Variants in CLCN3 observed in about 807,000 individuals in gnomAD.
CLCN3 encodes Cl-/H+ antiporter 3.
Under a neutral mutation model 83.4 loss-of-function variants are expected in CLCN3, and 16 were observed. That is an observed-to-expected ratio of 0.19 (90% CI 0.13 to 0.29). CLCN3 has a LOEUF of 0.29. CLCN3 is among the 10% of genes least tolerant of loss of function. CLCN3 has a pLI of 1.00. For synonymous variants in CLCN3, 322 were observed against 346.2 expected, an observed-to-expected ratio of 0.93 and a Z score of 0.78; for missense variants, 544 against 1,006.0, an observed-to-expected ratio of 0.54 and a Z score of 6.21.
intron 1 of CLCN3, among the ~76,000 whole-genome samples, chr4:169,633,735 G>T (rs1367620054): frequency 1.3e-5 from 2 of 152,122 alleles, no homozygotes; most frequent in African/African-American, 4.8e-5. Flanking sequence ...TTAACCCAAT[G>T]GATCTAAAAT....
intron 2 of CLCN3, among the ~76,000 whole-genome samples, chr4:169,674,390 T>C (rs900699773): frequency 1.5e-4 from 23 of 152,332 alleles, no homozygotes; most frequent in African/African-American, 5.5e-4. Flanking sequence ...TTTAATATTA[T>C]ATGGAAAGCA....
intron 12 of CLCN3, 75 bp from the exon 13 acceptor site, chr4:169,719,832 G>C: frequency 8.2e-7 from 1 of 1,220,820 alleles, no homozygotes; most frequent in Non-Finnish European, 1.1e-6. Context: ...CAACAAAAAG[G>C]ATTTAGCTAT....
intron 5 of CLCN3, among the ~76,000 whole-genome samples, chr4:169,690,137 C>CTTTTTTTTT (rs397769904): frequency 2.6e-4 from 29 of 110,436 alleles, no homozygotes; most frequent in African/African-American, 3.2e-4. Flanking sequence ...TCTTTTCTTT[C>CTTTTTTTTT]TTTTTTTTTT....
At chr4:169,665,065 A>C in intron 2 of CLCN3, among the ~76,000 whole-genome samples, 2 of 152,388 alleles carry the variant, frequency 1.3e-5, no homozygotes, top group Non-Finnish European at 2.9e-5. Flanking sequence ...TTATAAATTT[A>C]TGAAATATGA....
intron 11 of CLCN3, among the ~76,000 whole-genome samples, chr4:169,710,649 T>G (rs1422465588): frequency 6.6e-6 from 1 of 152,214 alleles, no homozygotes; most frequent in Non-Finnish European, 1.5e-5. Context: ...AGAGAAACAT[T>G]CCATTAAATA....
At chr4:169,657,245 CATTTCCCCA>C (rs2150216654) in intron 2 of CLCN3, among the ~76,000 whole-genome samples, 1 of 152,102 alleles carries the variant, frequency 6.6e-6, no homozygotes, top group Admixed American at 6.5e-5. Flanking sequence ...TTGTGTTTCC[CATTTCCCCA>C]ATTGTTTCTT....
intron 2 of CLCN3, among the ~76,000 whole-genome samples, chr4:169,654,106 G>A (rs1021276266): frequency 1.3e-5 from 2 of 152,062 alleles, no homozygotes; most frequent in Non-Finnish European, 2.9e-5. Flanking sequence ...ATTATATATA[G>A]GAGGGCCTAT....
At chr4:169,622,472 G>A (rs1773133365) in intron 1 of CLCN3, among the ~76,000 whole-genome samples, 2 of 152,110 alleles carry the variant, frequency 1.3e-5, no homozygotes, top group Non-Finnish European at 2.9e-5. Context: ...GTGGGGTTTG[G>A]CCACTATCGC....
At chr4:169,654,703 G>A (rs953958130) in intron 2 of CLCN3, among the ~76,000 whole-genome samples, 1 of 151,966 alleles carries the variant, frequency 6.6e-6, no homozygotes, top group South Asian at 2.1e-4. Flanking sequence ...ATTGCATCGC[G>A]GTCCGGGAAT....
At chr4:169,702,820 C>T (rs1251347804) in intron 9 of CLCN3, 2 of 291,138 alleles carry the variant, frequency 6.9e-6, no homozygotes, top group Admixed American at 3.7e-5. Context: ...TGGTGGTGCA[C>T]GCCTGTAGTC....
chr4:169,630,132 T>G (rs993627921), intron 1 of CLCN3, among the ~76,000 whole-genome samples: 1 of 152,322 alleles, frequency 6.6e-6, no homozygotes, highest in Non-Finnish European at 1.5e-5. Flanking sequence ...AGTTAATTCT[T>G]TTTTATTTTT....
rs1383963458 is a variant in CLCN3 at position 169,644,285 on chromosome 4, A to G, written c.160+8197A>G. ...TTTTTTTTTCTTTTTTTTTTTTTTG[A>G]GATGGAGTCTCCCTCTGTTGCCCAG... On this transcript the variant is annotated intron_variant, in intron 2 of 12. Coordinates refer to ENST00000513761, the MANE Select transcript of CLCN3 (RefSeq NM_001829.4). Among the ~76,000 whole-genome samples, 9 of 132,602 alleles carry G rather than the reference A, an allele frequency of 6.8e-5. No individual in the cohort carries two copies. The East Asian group carries it at 1.5e-3, about 22-fold the overall frequency. The allele number at this position is 132,602 out of a possible 152,430, so 87.0% of individuals were successfully genotyped here.
chr4:169,717,321 T>C (rs1733457631), intron 12 of CLCN3, among the ~76,000 whole-genome samples: 1 of 151,982 alleles, frequency 6.6e-6, no homozygotes, highest in South Asian at 2.1e-4. Context: ...TCCACGGGAG[T>C]TTTTAAGTCT....
chr4:169,634,909 TGTCA>T (rs1174565058), intron 1 of CLCN3, among the ~76,000 whole-genome samples: 1 of 152,192 alleles, frequency 6.6e-6, no homozygotes, highest in Admixed American at 6.5e-5. Context: ...AGATATTTAT[TGTCA>T]GTAATAGTCT....
At chr4:169,685,334 G>T (rs556439686) in intron 3 of CLCN3, among the ~76,000 whole-genome samples, 3 of 152,134 alleles carry the variant, frequency 2.0e-5, no homozygotes, top group Admixed American at 6.5e-5. Flanking sequence ...AACAAAACAG[G>T]CATGTTCAAA....
chr4:169,660,102 G>C, intron 2 of CLCN3: 1 of 1,054,634 alleles, frequency 9.5e-7, no homozygotes, highest in East Asian at 6.7e-5. Flanking sequence ...ATTGTCATAC[G>C]TAGCAGGACC....
In CLCN3 at chr4:169,713,183, C is replaced by T. The variant is rs201904904; in HGVS notation, c.2254C>T (p.Arg752Ter). Residue 752 changes from arginine to a stop codon, truncating the protein, a stop_gained, in exon 12 of 13, where the codon CGA becomes TGA. Transcript: ENST00000513761. LOFTEE classifies it high-confidence loss of function. ...PAESPRPLKL[R>*]SILDMSPFTV... ...AGAAAGTCCTCGGCCATTGAAGCTT[C>T]GAAGCATTCTTGACATGAGCCCTTT... The T allele has an allele frequency of 1.2e-6, 2 of 1,614,084 alleles. No homozygotes were observed. The highest frequency in any genetic ancestry group is 2.2e-5 in the East Asian group (1 of 44,876).
At chr4:169,678,938 G>T (rs1475320971) in intron 2 of CLCN3, among the ~76,000 whole-genome samples, 1 of 152,248 alleles carries the variant, frequency 6.6e-6, no homozygotes, top group Non-Finnish European at 1.5e-5. Flanking sequence ...ACACCTCCCA[G>T]ACAGGGTGGC....
intron 2 of CLCN3, among the ~76,000 whole-genome samples, chr4:169,677,494 T>A (rs1290509078): frequency 1.3e-5 from 2 of 152,254 alleles, no homozygotes; most frequent in Non-Finnish European, 2.9e-5. Flanking sequence ...CCAACCCGTT[T>A]TAGATTATGA....
Sources: gnomAD v4.1 joint callset for allele counts (sites outside exome capture counted in the v4.1 genomes callset) on GRCh38, gnomAD v4.1.1 for gene constraint, MANE v1.5 for transcripts, NCBI Gene and HGNC (gene_info 2026-07-23, HGNC 2026-07-21) for gene names.